The following TRAM2 variants were observed in gnomAD, a reference collection of about 807,000 sequenced individuals.
TRAM2 encodes translocating chain-associated membrane protein 2.
Under a neutral mutation model 51.0 loss-of-function variants are expected in TRAM2, and 12 were observed. That is an observed-to-expected ratio of 0.24 (90% CI 0.15 to 0.38). TRAM2 has a LOEUF of 0.38. Among genes scored for constraint, TRAM2 ranks in the 10% least tolerant of loss-of-function variants. The probability of loss-of-function intolerance (pLI) is 1.00; values close to 1 mark genes in which losing one functional copy is unlikely to be tolerated. For missense variants in TRAM2, 361 were observed against 462.0 expected (o/e 0.78, Z 2.00); for synonymous variants, 175 against 179.4 (o/e 0.98, Z 0.20).
chr6:52,571,082 TTTCTTTAACCA>T (rs1295384443), intron 1 of TRAM2, among the ~76,000 whole-genome samples: 1 of 152,020 alleles, frequency 6.6e-6, no homozygotes, highest in African/African-American at 2.4e-5. Flanking sequence ...CCCCCACCCC[TTTCTTTAACCA>T]TTAGGTACCA....
intron 2 of TRAM2, among the ~76,000 whole-genome samples, chr6:52,521,431 C>T (rs1027320399): frequency 6.6e-6 from 1 of 151,796 alleles, no homozygotes; most frequent in Non-Finnish European, 1.5e-5. Flanking sequence ...CGGTGGCTCA[C>T]ACCTGTAATC....
intron 2 of TRAM2, among the ~76,000 whole-genome samples, chr6:52,533,787 C>T (rs1766932326): frequency 6.6e-6 from 1 of 152,174 alleles, no homozygotes; most frequent in African/African-American, 2.4e-5. Flanking sequence ...AGACAAGTCA[C>T]CTCTCTACTA....
chr6:52,504,463 G>A, intron 10 of TRAM2, 128 bp downstream of exon 10: 1 of 1,480,216 alleles, frequency 6.8e-7, no homozygotes, highest in Non-Finnish European at 9.0e-7. Flanking sequence ...CCTGAGGTAA[G>A]AGTCAGGAAG....
intron 1 of TRAM2, among the ~76,000 whole-genome samples, chr6:52,539,535 CACA>C (rs1165662683): frequency 6.9e-6 from 1 of 145,972 alleles, no homozygotes; most frequent in Admixed American, 6.7e-5. Flanking sequence ...GTATAATTTA[CACA>C]ACAAAAAAAA....
intron 1 of TRAM2, among the ~76,000 whole-genome samples, chr6:52,557,222 G>A (rs529878821): frequency 5.3e-4 from 80 of 151,064 alleles, no homozygotes; most frequent in Non-Finnish European, 8.9e-4. Flanking sequence ...GGTGAGGAAC[G>A]GATGCACCAG....
chr6:52,508,404 G>A, intron 5 of TRAM2, 86 bp from the exon 6 acceptor site: 5 of 1,298,092 alleles, frequency 3.9e-6, no homozygotes. Flanking sequence ...GAAAAGCATG[G>A]GCTGAGACTC....
chr6:52,543,401 C>A (rs1767140590), intron 1 of TRAM2, among the ~76,000 whole-genome samples: 3 of 152,324 alleles, frequency 2.0e-5, no homozygotes, highest in South Asian at 4.1e-4. Context: ...ATTTCTCCTG[C>A]ATCATGGGGC....
intron 2 of TRAM2, among the ~76,000 whole-genome samples, chr6:52,525,279 C>T (rs999548576): frequency 6.6e-6 from 1 of 152,160 alleles, no homozygotes; most frequent in African/African-American, 2.4e-5. Flanking sequence ...AAGGCCTGCC[C>T]CACTCCCCCA....
In TRAM2 at chr6:52,500,529, T is replaced by TTTTG. The variant is rs1554263058; in HGVS notation, c.*2667_*2668insCAAA. 1 of 39,514 alleles carries TTTTG rather than the reference T, an allele frequency of 2.5e-5. No homozygotes were observed. The highest frequency in any genetic ancestry group is 9.0e-5 in the African/African-American group (1 of 11,094). 2.4% of individuals were successfully genotyped at this position (39,514 alleles called of 1,614,324 possible). On this transcript the variant is annotated 3_prime_UTR_variant, in exon 11 of 11. Transcript: ENST00000182527. The stretch of plus-strand genomic sequence containing the variant: ...CTCATGGTCTCAGGGTTTTTTTTTG[T>TTTTG]TTTTTTTTTTTTTTTTACATAAAAT...
chr6:52,554,523 A>AC (rs1296995486), intron 1 of TRAM2, among the ~76,000 whole-genome samples: 1 of 102,644 alleles, frequency 9.7e-6, no homozygotes. Flanking sequence ...CCATCTCAAA[A>AC]AAAAAAAAAA....
chr6:52,540,944 A>C (rs1301658379), intron 1 of TRAM2, among the ~76,000 whole-genome samples: 1 of 152,240 alleles, frequency 6.6e-6, no homozygotes, highest in Non-Finnish European at 1.5e-5. Flanking sequence ...AAAGAGAGAA[A>C]GTTTCATTAA....
In TRAM2 at chr6:52,516,018, G is replaced by A. The variant is rs751143683; in HGVS notation, c.399C>T (p.Tyr133=). 1.6e-5 allele frequency: 26 copies of A among 1,614,020 alleles called. No individual in the cohort carries two copies. The highest frequency in any genetic ancestry group is 1.9e-5 in the Non-Finnish European group (23 of 1,180,000). The change falls in exon 4 of 11, where the codon TAC becomes TAT. Residue 133 remains tyrosine, a synonymous_variant. Transcript: ENST00000182527. ...GAGAATGGCTCACCGTCACCACCACGTAGAAGCACCAAATCACCGAGGTGA... is the reference window on the plus strand; with the variant it reads ...GAGAATGGCTCACCGTCACCACCACATAGAAGCACCAAATCACCGAGGTGA... ...FHFTSVIWCF[Y]VVVTEGYLTN... is the part of the protein sequence containing the mutation.
intron 2 of TRAM2, chr6:52,517,408 T>C (rs1353880560): frequency 6.6e-6 from 1 of 152,284 alleles, no homozygotes; most frequent in Non-Finnish European, 1.5e-5. Context: ...ATTTTTGTTG[T>C]TGGGCTAGTG....
chr6:52,526,152 GACACACACACACACAC>G (rs775593303), intron 2 of TRAM2, among the ~76,000 whole-genome samples: 550 of 28,852 alleles, frequency 0.019, 7 homozygotes, highest in African/African-American at 0.06. Flanking sequence ...CACACAGACA[GACACACACACACACAC>G]ACACACACAC....
chr6:52,513,069 A>G (rs1167432991), intron 4 of TRAM2, among the ~76,000 whole-genome samples: 4 of 152,158 alleles, frequency 2.6e-5, no homozygotes, highest in African/African-American at 9.7e-5. Flanking sequence ...AACAATGAGT[A>G]GTCGATCAAA....
At position 52,577,021 on chromosome 6, in the gene TRAM2, T is replaced by C; in HGVS notation, c.-106A>G. ...GTCCGCCCGCCGGCCCGCCGCCCGC[T>C]CTCCCACAGCCGCTCGCCCGCCCAG... On this transcript the variant is annotated 5_prime_UTR_variant, in exon 1 of 11. Transcript: ENST00000182527. 2 of 1,267,122 alleles carry C rather than the reference T, an allele frequency of 1.6e-6. No individual in the cohort carries two copies. Among genetic ancestry groups the C allele is most frequent in the Non-Finnish European group, 1.0e-6 (1 of 1,000,854 alleles). 78.5% of individuals were successfully genotyped at this position (1,267,122 alleles called of 1,614,324 possible).
chr6:52,572,441 T>C (rs897616035), intron 1 of TRAM2, among the ~76,000 whole-genome samples: 2 of 152,172 alleles, frequency 1.3e-5, no homozygotes, highest in African/African-American at 4.8e-5. Context: ...CCGTCTCTAC[T>C]AAAAATACAA....
At chr6:52,574,782 TC>T (rs1270062442) in intron 1 of TRAM2, among the ~76,000 whole-genome samples, 1 of 152,188 alleles carries the variant, frequency 6.6e-6, no homozygotes, top group Non-Finnish European at 1.5e-5. Context: ...CACAGGACTT[TC>T]CATAAGACTA....
At chr6:52,557,118 G>A (rs1767423364) in intron 1 of TRAM2, among the ~76,000 whole-genome samples, 1 of 150,454 alleles carries the variant, frequency 6.6e-6, no homozygotes, top group African/African-American at 2.4e-5. Context: ...GCATGGGCCT[G>A]GGAGGCGGAG....
Sources: allele counts gnomAD v4.1 joint callset (sites outside exome capture counted in the v4.1 genomes callset), GRCh38; gene constraint gnomAD v4.1.1; transcripts MANE v1.5; gene names NCBI Gene and HGNC (gene_info 2026-07-23, HGNC 2026-07-21).